The following VAC14 variants were observed in gnomAD, a reference collection of about 807,000 sequenced individuals.
VAC14 encodes the protein VAC14 component of PIKFYVE complex, also known as protein VAC14 homolog.
VAC14 carries 47 observed loss-of-function variants against 85.3 expected under a neutral mutation model. That is an observed-to-expected ratio of 0.55 (90% CI 0.44 to 0.70). The LOEUF (loss-of-function observed/expected upper bound fraction) is 0.70, where lower values mean the gene tolerates loss of function less well. VAC14 is among the 30% of genes least tolerant of loss of function. VAC14 has a pLI of 0.00. For missense variants in VAC14, 861 were observed against 1,004.3 expected (o/e 0.86, Z 1.93); for synonymous variants, 447 against 430.5 (o/e 1.04, Z -0.47).
At chr16:70,754,034 C>A (rs74024450) in intron 12 of VAC14, among the ~76,000 whole-genome samples, 12,647 of 152,158 alleles carry the variant, frequency 0.083, 1,728 homozygotes, top group African/African-American at 0.29. Flanking sequence ...CTCCTGGCCC[C>A]CAATCCATTC....
At chr16:70,800,761 G>T in intron 1 of VAC14, 36 bp downstream of exon 1, 1 of 1,573,950 alleles carries the variant, frequency 6.4e-7, no homozygotes, top group Non-Finnish European at 8.7e-7. Context: ...GCAGTCAGGG[G>T]CTGCATAGCC....
chr16:70,743,019 G>A (rs1194295634), intron 13 of VAC14, among the ~76,000 whole-genome samples: 1 of 152,182 alleles, frequency 6.6e-6, no homozygotes, highest in African/African-American at 2.4e-5. Context: ...GCACCAATCA[G>A]CACTCTGTAA....
At chr16:70,696,239 G>A (rs932830547) in intron 16 of VAC14, among the ~76,000 whole-genome samples, 5 of 152,182 alleles carry the variant, frequency 3.3e-5, no homozygotes, top group African/African-American at 4.8e-5. Context: ...CTGGCCAGGC[G>A]CGGTGGCTCA....
chr16:70,764,116 G>C (rs1319595154), intron 10 of VAC14, among the ~76,000 whole-genome samples: 1 of 152,242 alleles, frequency 6.6e-6, no homozygotes, highest in African/African-American at 2.4e-5. Context: ...ACTGATGGCT[G>C]TGCTTTCCTC....
At chr16:70,743,289 G>C (rs1454950152) in intron 13 of VAC14, among the ~76,000 whole-genome samples, 2 of 152,200 alleles carry the variant, frequency 1.3e-5, no homozygotes, top group Non-Finnish European at 2.9e-5. Context: ...TCTGTAAAAT[G>C]GACTAATCAG....
chr16:70,742,784 C>A (rs35716135), intron 13 of VAC14, among the ~76,000 whole-genome samples: 2 of 152,212 alleles, frequency 1.3e-5, no homozygotes, highest in South Asian at 4.1e-4. Context: ...ACCAGCCCGG[C>A]TGGGCTGTGG....
At chr16:70,746,772 C>T (rs757867918) in intron 12 of VAC14, among the ~76,000 whole-genome samples, 3 of 152,160 alleles carry the variant, frequency 2.0e-5, no homozygotes, top group African/African-American at 7.2e-5. Context: ...CCCCTGCACA[C>T]CTGCCACGGC....
rs558421144 is a variant in VAC14 at position 70,774,925 on chromosome 16, T to C, written c.1097-2753A>G. Among the ~76,000 whole-genome samples, 81 of 151,988 alleles carry C rather than the reference T, an allele frequency of 5.3e-4. No individual in the cohort carries two copies. The South Asian group carries it at 0.016, about 30-fold the overall frequency. Reference sequence around the variant, plus strand: ...CATGCCCGGCTAATTTTTTTTTTTGTATTATTAGTAGAGATGGGGTTTCAC... The same window carrying C: ...CATGCCCGGCTAATTTTTTTTTTTGCATTATTAGTAGAGATGGGGTTTCAC... On this transcript the variant is annotated intron_variant, in intron 9 of 18. Coordinates refer to ENST00000261776, the MANE Select transcript of VAC14 (RefSeq NM_018052.5).
chr16:70,762,019 GT>G lies in VAC14; in HGVS notation c.1371+520del, dbSNP rs1178657253. On this transcript the variant is annotated intron_variant, in intron 12 of 18. Coordinates refer to ENST00000261776, the MANE Select transcript of VAC14 (RefSeq NM_018052.5). The surrounding 1 kb of genome is among the most constrained non-coding windows in gnomAD (Gnocchi z 4.1). Reference sequence around the variant, plus strand: ...TCACTCCAAGCCAAGCTCCCCGCCTGTCCTGTGCTGCCTCCCTTACTGACAC... The same window carrying G: ...TCACTCCAAGCCAAGCTCCCCGCCTGCCTGTGCTGCCTCCCTTACTGACAC... Among the ~76,000 whole-genome samples, 2 of 152,120 alleles carry G rather than the reference GT, an allele frequency of 1.3e-5. No individual in the cohort carries two copies. The highest frequency in any genetic ancestry group is 1.3e-4 in the Admixed American group (2 of 15,278).
chr16:70,744,276 A>G lies in VAC14; in HGVS notation c.1528+147T>C, dbSNP rs113007023. ...CCTCTGGGCGGTCTTGAGGTGGGAG[A>G]TCGCCAGTAGCAACCCACAGACCCC... On this transcript the variant is annotated intron_variant, in intron 13 of 18. Transcript: ENST00000261776. 1.2e-3 allele frequency: 1,447 copies of G among 1,192,230 alleles called. 11 individuals carry two copies. The African/African-American group carries it at 0.018, about 15-fold the overall frequency. The allele number at this position is 1,192,230 out of a possible 1,614,324, so 73.9% of individuals were successfully genotyped here.
At chr16:70,768,215 C>T (rs1395762916) in intron 10 of VAC14, 1 of 152,538 alleles carries the variant, frequency 6.6e-6, no homozygotes, top group Non-Finnish European at 1.5e-5. Context: ...TCACTGAAGC[C>T]CCATATCCCT....
chr16:70,691,510 C>G, intron 18 of VAC14: 8 of 985,460 alleles, frequency 8.1e-6, no homozygotes, highest in Non-Finnish European at 8.4e-6. Flanking sequence ...GCCCCAGGAA[C>G]CCACACATGC....
intron 1 of VAC14, among the ~76,000 whole-genome samples, chr16:70,790,106 G>T (rs908513150): frequency 6.6e-6 from 1 of 152,236 alleles, no homozygotes; most frequent in African/African-American, 2.4e-5. Flanking sequence ...GGAAAGAAGA[G>T]AGGGCTTAAG....
chr16:70,698,069 GCT>G (rs889246225), intron 15 of VAC14, among the ~76,000 whole-genome samples: 7 of 152,198 alleles, frequency 4.6e-5, no homozygotes, highest in African/African-American at 1.7e-4. Flanking sequence ...TGTCCTTTCT[GCT>G]CTCTCTGACC....
chr16:70,773,934 T>TC (rs1346028528), intron 9 of VAC14, among the ~76,000 whole-genome samples: 3 of 147,104 alleles, frequency 2.0e-5, no homozygotes, highest in Admixed American at 2.0e-4. Flanking sequence ...CCCGGATAAT[T>TC]TTTTTTTTTT....
At chr16:70,706,096 C>G (rs2053915552) in intron 14 of VAC14, among the ~76,000 whole-genome samples, 1 of 152,174 alleles carries the variant, frequency 6.6e-6, no homozygotes, top group South Asian at 2.1e-4. Flanking sequence ...GTCCAATTCT[C>G]TAGCCCCACT....
intron 9 of VAC14, among the ~76,000 whole-genome samples, chr16:70,774,032 C>T (rs551106235): frequency 6.6e-6 from 1 of 152,122 alleles, no homozygotes; most frequent in East Asian, 1.9e-4. Context: ...ACCTCAGCCT[C>T]CCAAAGTGCT....
chr16:70,693,022 C>T lies in VAC14; in HGVS notation c.2036-51G>A, dbSNP rs370140255. On this transcript the variant is annotated intron_variant, in intron 17 of 18. Transcript: ENST00000261776. ...AGGGACCTGGCACTGCTCTGGGACA[C>T]GCCCAGCCCACACTGCCTGCCTCCG... is the stretch of plus-strand genomic sequence containing the variant. 8.1e-5 allele frequency: 128 copies of T among 1,573,008 alleles called. 1 individual carries two copies. The East Asian group carries it at 2.2e-3, about 27-fold the overall frequency.
chr16:70,690,361 C>G (rs1597842618), intron 18 of VAC14: 1 of 985,586 alleles, frequency 1.0e-6, no homozygotes, highest in Non-Finnish European at 1.2e-6. Flanking sequence ...TGCACATCTT[C>G]TGTAGGTCCA....
Sources: allele counts gnomAD v4.1 joint callset (sites outside exome capture counted in the v4.1 genomes callset), GRCh38; gene constraint gnomAD v4.1.1; non-coding constraint Gnocchi (gnomAD v3.1); transcripts MANE v1.5; gene names NCBI Gene and HGNC (gene_info 2026-07-23, HGNC 2026-07-21).